Variants in IQSEC1 observed in about 807,000 individuals in gnomAD.
The protein encoded by IQSEC1 is IQ motif and Sec7 domain ArfGEF 1, also known as IQ motif and SEC7 domain-containing protein 1.
A neutral mutation model predicts 91.0 loss-of-function variants in IQSEC1; 31 were observed. The ratio of observed to expected loss-of-function variants is 0.34; its 90% CI spans 0.26 to 0.46. IQSEC1 has a LOEUF of 0.46. Ranked by LOEUF, IQSEC1 falls within the 20% of genes least tolerant of loss-of-function variation. The probability of loss-of-function intolerance (pLI) is 1.00; values close to 1 mark genes in which losing one functional copy is unlikely to be tolerated. For missense variants in IQSEC1, 1,388 were observed against 1,575.6 expected (o/e 0.88, Z 2.02); for synonymous variants, 699 against 662.6 (o/e 1.05, Z -0.84).
At chr3:13,093,038 T>C (rs1705890448) in intron 2 of IQSEC1, among the ~76,000 whole-genome samples, 1 of 152,016 alleles carries the variant, frequency 6.6e-6, no homozygotes, top group Non-Finnish European at 1.5e-5. Context: ...TTGTGTCTTC[T>C]TGGCAACATC....
At position 12,900,779 on chromosome 3, in the gene IQSEC1, G is replaced by T. The variant is rs1292482364; in HGVS notation, c.*204C>A. 2.8e-6 allele frequency: 4 copies of T among 1,445,718 alleles called. No individual in the cohort carries two copies. The highest frequency in any genetic ancestry group is 2.9e-5 in the African/African-American group (2 of 70,096). 89.6% of individuals were successfully genotyped at this position (1,445,718 alleles called of 1,614,324 possible). ...CAGACTGAGGTGAGCAGAGCCCAGG[G>T]TGCCAACAAGAAATGAAATCTGGGC... On this transcript the variant is annotated 3_prime_UTR_variant, in exon 14 of 14. Coordinates refer to ENST00000613206, the MANE Select transcript of IQSEC1 (RefSeq NM_001134382.3).
chr3:13,220,377 G>C (rs550497793), intron 1 of IQSEC1, among the ~76,000 whole-genome samples: 1 of 152,274 alleles, frequency 6.6e-6, no homozygotes, highest in South Asian at 2.1e-4. Flanking sequence ...AAAGAAGGGG[G>C]GTCCTTGCCC....
chr3:13,222,270 C>T (rs1341631178), intron 1 of IQSEC1, among the ~76,000 whole-genome samples: 1 of 152,120 alleles, frequency 6.6e-6, no homozygotes, highest in African/African-American at 2.4e-5. Flanking sequence ...TCACTAGCAT[C>T]CTGTCGTCCA....
intron 1 of IQSEC1, among the ~76,000 whole-genome samples, chr3:13,051,286 C>T (rs1704680187): frequency 6.6e-6 from 1 of 152,234 alleles, no homozygotes; most frequent in Non-Finnish European, 1.5e-5. Context: ...ACTTCACAGC[C>T]TCCTGGGGAG....
intron 1 of IQSEC1, among the ~76,000 whole-genome samples, chr3:12,955,627 A>G (rs1191265868): frequency 1.3e-5 from 2 of 152,242 alleles, no homozygotes; most frequent in African/African-American, 4.8e-5. Flanking sequence ...AACAGGCTTA[A>G]AACAGGAAAA....
chr3:13,014,295 G>C (rs1703016854), intron 1 of IQSEC1, among the ~76,000 whole-genome samples: 1 of 152,194 alleles, frequency 6.6e-6, no homozygotes, highest in Admixed American at 6.5e-5. Flanking sequence ...ACAGAGGCCT[G>C]CTTCACCATC....
At chr3:13,163,803 C>A (rs1693400839) in intron 2 of IQSEC1, among the ~76,000 whole-genome samples, 1 of 152,106 alleles carries the variant, frequency 6.6e-6, no homozygotes, top group African/African-American at 2.4e-5. Flanking sequence ...AGCCTTGGCA[C>A]ACTGGGCCAT....
At chr3:13,059,659 G>A (rs1299541336) in intron 1 of IQSEC1, among the ~76,000 whole-genome samples, 1 of 152,208 alleles carries the variant, frequency 6.6e-6, no homozygotes, top group African/African-American at 2.4e-5. Context: ...GCTGAGGTGG[G>A]AGGATCACCC....
rs370735631 is a variant in IQSEC1 at position 12,935,966 on chromosome 3, C to T, written c.1050G>A (p.Ser350=). ...DTDTSCRSTP[S]LERQEQRLRV... ...GCAGCCGCTGCTCCTGCCGCTCCAGCGACGGCGTGCTCCGGCAGCTCGTGT... is the reference window on the plus strand; with the variant it reads ...GCAGCCGCTGCTCCTGCCGCTCCAGTGACGGCGTGCTCCGGCAGCTCGTGT... The change falls in exon 3 of 14, where the codon TCG becomes TCA. Residue 350 remains serine, a synonymous_variant. Coordinates refer to ENST00000613206, the MANE Select transcript of IQSEC1 (RefSeq NM_001134382.3). The surrounding 1 kb of genome is among the most constrained non-coding windows in gnomAD (Gnocchi z 8.0). 4.6e-5 allele frequency: 73 copies of T among 1,598,940 alleles called. No individual in the cohort carries two copies. The highest frequency in any genetic ancestry group is 5.7e-5 in the Non-Finnish European group (67 of 1,179,476).
At chr3:13,037,101 T>A (rs1434192039) in intron 1 of IQSEC1, among the ~76,000 whole-genome samples, 3 of 152,078 alleles carry the variant, frequency 2.0e-5, no homozygotes, top group Non-Finnish European at 4.4e-5. Context: ...CATGCTCTCC[T>A]CTCTGAATCT....
intron 1 of IQSEC1, among the ~76,000 whole-genome samples, chr3:13,049,578 T>G (rs145212102): frequency 0.011 from 1,722 of 152,286 alleles, 12 homozygotes; most frequent in Admixed American, 0.016. Flanking sequence ...CCCTGCCTCC[T>G]TATCCAGACG....
At chr3:13,140,863 C>A (rs559136817) in intron 2 of IQSEC1, among the ~76,000 whole-genome samples, 20 of 152,316 alleles carry the variant, frequency 1.3e-4, no homozygotes, top group African/African-American at 4.8e-4. Context: ...TGGACCTCTG[C>A]CTTTGTCACA....
intron 1 of IQSEC1, among the ~76,000 whole-genome samples, chr3:12,947,310 G>A (rs940409983): frequency 6.6e-6 from 1 of 152,158 alleles, no homozygotes; most frequent in Non-Finnish European, 1.5e-5. Context: ...GCTGCGGCAG[G>A]TCAGACACCC....
At chr3:13,056,186 G>A (rs1256094609) in intron 1 of IQSEC1, among the ~76,000 whole-genome samples, 2 of 152,202 alleles carry the variant, frequency 1.3e-5, no homozygotes, top group African/African-American at 2.4e-5. Flanking sequence ...CTGCTGCCAA[G>A]TCCTGTTCAT....
chr3:13,052,567 C>T (rs1209626308), intron 1 of IQSEC1, among the ~76,000 whole-genome samples: 4 of 152,152 alleles, frequency 2.6e-5, no homozygotes, highest in African/African-American at 9.7e-5. Context: ...GCCCAAGAGC[C>T]CAGATGGTAG....
rs542739306 is a variant in IQSEC1, at chr3:13,191,599, A to G, written c.273-27466T>C. Among the ~76,000 whole-genome samples, 30 of 149,850 alleles carry G rather than the reference A, an allele frequency of 2.0e-4. No individual in the cohort carries two copies. In the South Asian group the frequency reaches 3.3e-3, roughly 17 times the overall value. ...TGATCCACCTGCCTCTGCCTCTCAA[A>G]GTGCTGGGATTACAGGCAATTACAG... On this transcript the variant is annotated intron_variant, in intron 1 of 15. Coordinates refer to the IQSEC1 transcript ENST00000648114.
exon 1 of IQSEC1, among the ~76,000 whole-genome samples, chr3:13,283,032 C>T (rs1695827501): frequency 1.4e-5 from 2 of 145,200 alleles, no homozygotes; most frequent in African/African-American, 4.9e-5. Context: ...GGCGGCGGGG[C>T]GGCGGCGGCG....
At chr3:13,226,298 G>A (rs1246125341) in intron 1 of IQSEC1, among the ~76,000 whole-genome samples, 1 of 152,182 alleles carries the variant, frequency 6.6e-6, no homozygotes, top group Non-Finnish European at 1.5e-5. Flanking sequence ...GCCTGGCCCT[G>A]TGTTAGTTAC....
At chr3:13,261,127 C>T (rs564526975) in intron 1 of IQSEC1, among the ~76,000 whole-genome samples, 4 of 152,216 alleles carry the variant, frequency 2.6e-5, no homozygotes, top group Admixed American at 6.5e-5. Flanking sequence ...CCAGCTATAG[C>T]GGACACTGGG....
Sources: gnomAD v4.1 joint callset for allele counts (sites outside exome capture counted in the v4.1 genomes callset) on GRCh38, gnomAD v4.1.1 for gene constraint, Gnocchi (gnomAD v3.1) non-coding constraint, MANE v1.5 for transcripts, NCBI Gene and HGNC (gene_info 2026-07-23, HGNC 2026-07-21) for gene names.